The following CSGALNACT2 variants were observed in gnomAD, a reference collection of about 807,000 sequenced individuals.
CSGALNACT2 encodes the protein chondroitin sulfate N-acetylgalactosaminyltransferase 2, also known as beta 4 GalNAcT-2.
A neutral mutation model predicts 55.3 loss-of-function variants in CSGALNACT2; 35 were observed. That is an observed-to-expected ratio of 0.63 (90% confidence interval 0.48 to 0.84). The LOEUF is 0.84. Among genes scored for constraint, CSGALNACT2 ranks in the 40% least tolerant of loss-of-function variants. The pLI, the probability that CSGALNACT2 is intolerant of heterozygous loss-of-function variation, is 0.00. For missense variants in CSGALNACT2, 544 were observed against 657.5 expected, an observed-to-expected ratio of 0.83 and a Z score of 1.89; for synonymous variants, 196 against 224.9, an observed-to-expected ratio of 0.87 and a Z score of 1.15.
chr10:43,183,401 C>T lies in CSGALNACT2; in HGVS notation c.1488C>T (p.Pro496=), dbSNP rs764955349. 1.7e-5 allele frequency: 28 copies of T among 1,614,034 alleles called. No homozygotes were observed. The highest frequency in any genetic ancestry group is 5.5e-5 in the South Asian group (5 of 91,094). The change falls in exon 8 of 8, where the codon CCC becomes CCT. Residue 496 remains proline, a synonymous_variant. Coordinates refer to ENST00000374466, the MANE Select transcript of CSGALNACT2 (RefSeq NM_018590.5). The part of the protein sequence containing the change: ...HEKRCADELT[P]EQYRMCIQSK... Reference sequence around the variant, plus strand: ...AGCGCTGTGCTGATGAGCTGACCCCCGAGCAGTACCGCATGTGCATCCAGT... The same window carrying T: ...AGCGCTGTGCTGATGAGCTGACCCCTGAGCAGTACCGCATGTGCATCCAGT...
chr10:43,153,627 T>C (rs893576195), intron 1 of CSGALNACT2, among the ~76,000 whole-genome samples: 4 of 152,122 alleles, frequency 2.6e-5, no homozygotes, highest in African/African-American at 7.2e-5. Flanking sequence ...GAGAAAACCA[T>C]TACTGTTAAA....
intron 1 of CSGALNACT2, among the ~76,000 whole-genome samples, chr10:43,149,283 C>T (rs1838825794): frequency 6.6e-6 from 1 of 152,118 alleles, no homozygotes; most frequent in South Asian, 2.1e-4. Flanking sequence ...GGCGGGGTTT[C>T]ATTGTGCTAG....
At chr10:43,146,423 G>T (rs928089936) in intron 1 of CSGALNACT2, among the ~76,000 whole-genome samples, 2 of 152,230 alleles carry the variant, frequency 1.3e-5, no homozygotes, top group Non-Finnish European at 2.9e-5. Flanking sequence ...CCCGCTGGCA[G>T]CTGAGTAGAT....
rs1478398093 is a variant in CSGALNACT2 at position 43,158,845 on chromosome 10, G to A, written c.792G>A (p.Met264Ile). 6.2e-7 allele frequency: 1 copy of A among 1,610,176 alleles called. No homozygotes were observed. The highest frequency in any genetic ancestry group is 1.7e-5 in the Admixed American group (1 of 60,014). ...FGPLMKVKSEMIDITRSIINI... is the reference protein window; with the variant it reads ...FGPLMKVKSEIIDITRSIINI... The stretch of plus-strand genomic sequence containing the variant: ...CTCTCATGAAAGTGAAGAGTGAGAT[G>A]ATTGACATCACTAGATCAATTATTA... Residue 264 changes from methionine (M) to isoleucine (I), a missense_variant, in exon 3 of 8, where the codon ATG becomes ATA. By Grantham distance (10) the Met-to-Ile change is conservative. Around this residue, in one of 2 missense-constraint regions of CSGALNACT2, gnomAD observed 374 missense variants for 401.3 expected, o/e 0.93. Coordinates refer to ENST00000374466, the MANE Select transcript of CSGALNACT2 (RefSeq NM_018590.5).
rs770929775 is a variant in CSGALNACT2 at position 43,158,903 on chromosome 10, G to A, written c.850G>A (p.Ala284Thr). Residue 284 changes from alanine (A) to threonine (T), a missense_variant, in exon 3 of 8, where the codon GCA becomes ACA. Physicochemically the swap from Ala to Thr is moderately conservative, Grantham distance 58. This residue lies in a region of CSGALNACT2 where 374 missense variants were observed against 401.3 expected (regional missense o/e 0.93). Transcript: ENST00000374466. The stretch of plus-strand genomic sequence containing the variant: ...TGTGCCACTTGCTGAAAGAACTGAA[G>A]CATTTGTACAATTTATGCAGAACTT... ...IIVPLAERTEAFVQFMQNFRD... is the reference protein window; with the variant it reads ...IIVPLAERTETFVQFMQNFRD... 6.8e-6 allele frequency: 11 copies of A among 1,608,710 alleles called. No homozygotes were observed. In the Admixed American group the frequency reaches 1.2e-4, roughly 17 times the overall value.
chr10:43,145,842 G>C (rs1564508993), intron 1 of CSGALNACT2, among the ~76,000 whole-genome samples: 1 of 152,242 alleles, frequency 6.6e-6, no homozygotes, highest in East Asian at 1.9e-4. Context: ...GCTTTGTCCA[G>C]GGGATTTACA....
chr10:43,164,872 AGAT>A (rs879617906), intron 5 of CSGALNACT2, among the ~76,000 whole-genome samples: 4 of 151,994 alleles, frequency 2.6e-5, no homozygotes, highest in East Asian at 1.9e-4. Context: ...ATTAATGAGA[AGAT>A]GACATTTTTT....
intron 4 of CSGALNACT2, 146 bp downstream of exon 4, chr10:43,160,741 T>C (rs1839128793): frequency 1.6e-6 from 1 of 621,884 alleles, no homozygotes; most frequent in East Asian, 3.0e-5. Flanking sequence ...GATAAGTTCC[T>C]CATTTCACAT....
At chr10:43,147,430 C>G (rs1838782223) in intron 1 of CSGALNACT2, among the ~76,000 whole-genome samples, 1 of 152,140 alleles carries the variant, frequency 6.6e-6, no homozygotes, top group African/African-American at 2.4e-5. Context: ...TTCTCCAGGT[C>G]CATCACTTGT....
At chr10:43,170,067 G>A (rs2133142291) in intron 6 of CSGALNACT2, among the ~76,000 whole-genome samples, 1 of 152,234 alleles carries the variant, frequency 6.6e-6, no homozygotes, top group East Asian at 1.9e-4. Context: ...AAATAGTGGT[G>A]AACAACCAAA....
intron 1 of CSGALNACT2, among the ~76,000 whole-genome samples, chr10:43,151,072 A>G (rs2133103394): frequency 6.6e-6 from 1 of 152,232 alleles, no homozygotes; most frequent in East Asian, 1.9e-4. Flanking sequence ...TCATACCTCT[A>G]CTTAAATTTT....
intron 7 of CSGALNACT2, among the ~76,000 whole-genome samples, chr10:43,179,007 C>T (rs1839537259): frequency 6.6e-6 from 1 of 152,072 alleles, no homozygotes; most frequent in African/African-American, 2.4e-5. Flanking sequence ...TGTTGAGCTA[C>T]TCTAATGAAT....
At chr10:43,165,436 C>T (rs890905723) in intron 5 of CSGALNACT2, among the ~76,000 whole-genome samples, 1 of 150,930 alleles carries the variant, frequency 6.6e-6, no homozygotes, top group African/African-American at 2.4e-5. Context: ...TTAGTCATTT[C>T]GTAGTGTATG....
intron 6 of CSGALNACT2, among the ~76,000 whole-genome samples, chr10:43,173,698 A>G (rs1374563346): frequency 6.6e-6 from 1 of 151,380 alleles, no homozygotes; most frequent in Non-Finnish European, 1.5e-5. Flanking sequence ...TAACAAAGAG[A>G]TAAGAATATT....
intron 7 of CSGALNACT2, among the ~76,000 whole-genome samples, chr10:43,178,405 G>A (rs536795269): frequency 1.4e-4 from 21 of 152,200 alleles, no homozygotes; most frequent in African/African-American, 4.1e-4. Flanking sequence ...GGCAGATCAC[G>A]AGGTCAGGAG....
chr10:43,172,553 A>C (rs571158989), intron 6 of CSGALNACT2, among the ~76,000 whole-genome samples: 2 of 152,230 alleles, frequency 1.3e-5, no homozygotes, highest in African/African-American at 4.8e-5. Context: ...TAGGCCCAGG[A>C]GGCTGGGTGA....
chr10:43,152,966 G>T (rs529156779), intron 1 of CSGALNACT2, among the ~76,000 whole-genome samples: 5 of 152,194 alleles, frequency 3.3e-5, no homozygotes, highest in African/African-American at 9.6e-5. Context: ...GTTATTTTTT[G>T]ATTAGATGGT....
Position 43,155,112 on chromosome 10 carries a change from A to G in CSGALNACT2, c.-38A>G, listed in dbSNP as rs1698707497. The G allele has an allele frequency of 6.6e-7, 1 of 1,511,864 alleles. No homozygotes were observed. Among genetic ancestry groups the G allele is most frequent in the East Asian group, 2.3e-5 (1 of 44,010 alleles). The allele number at this position is 1,511,864 out of a possible 1,614,324, so 93.7% of individuals were successfully genotyped here. On this transcript the variant is annotated 5_prime_UTR_variant, in exon 2 of 8. Transcript: ENST00000374466. ...TTTTTACTAAAGGTATGAACACACA[A>G]AGAGCTTATTTTGTTAGGCAAATAC...
rs898764687 is a variant in CSGALNACT2 at position 43,184,959 on chromosome 10, C to G, written c.*1417C>G. The G allele has an allele frequency of 6.6e-6, 1 of 151,996 alleles. No homozygotes were observed. The highest frequency in any genetic ancestry group is 2.4e-5 in the African/African-American group (1 of 41,384). The allele number at this position is 151,996 out of a possible 1,614,324, so 9.4% of individuals were successfully genotyped here. A position where few individuals can be genotyped will look rare whatever the true frequency, so the allele number is the denominator to read the frequency against. On this transcript the variant is annotated 3_prime_UTR_variant, in exon 8 of 8. Transcript: ENST00000374466. ...AATTCAATATTACAATAACTCTTAC[C>G]TAATTATTCTTACAAGTTTTAAGTT... is the stretch of plus-strand genomic sequence containing the variant.
Sources: allele counts gnomAD v4.1 joint callset (sites outside exome capture counted in the v4.1 genomes callset), GRCh38; gene constraint gnomAD v4.1.1; regional missense constraint gnomAD v4.1.1; transcripts MANE v1.5; gene names NCBI Gene and HGNC (gene_info 2026-07-23, HGNC 2026-07-21).